The following ESRRG variants were observed in gnomAD, a reference collection of about 807,000 sequenced individuals.
ESRRG encodes estrogen related receptor gamma.
In ESRRG, 13 loss-of-function variants were observed where a neutral mutation model predicts 44.0. The observed-to-expected ratio is 0.30, with a 90% CI of 0.19 to 0.47. The LOEUF (loss-of-function observed/expected upper bound fraction) is 0.47, where lower values mean the gene tolerates loss of function less well. Among genes scored for constraint, ESRRG ranks in the 20% least tolerant of loss-of-function variants. ESRRG has a pLI of 1.00. For missense variants in ESRRG, 395 were observed against 580.6 expected (o/e 0.68, Z 3.29); for synonymous variants, 215 against 214.6 (o/e 1.00, Z -0.02).
chr1:217,040,675 C>T (rs1186750069), intron 1 of ESRRG, among the ~76,000 whole-genome samples: 1 of 152,064 alleles, frequency 6.6e-6, no homozygotes, highest in African/African-American at 2.4e-5. Flanking sequence ...TCCAAAAATC[C>T]TGTGAGCTTA....
chr1:216,744,011 T>A (rs1054058447), intron 2 of ESRRG, among the ~76,000 whole-genome samples: 5 of 152,148 alleles, frequency 3.3e-5, no homozygotes, highest in African/African-American at 1.2e-4. Context: ...CGGTGCCACA[T>A]GGAGTGTGAT....
At chr1:216,996,718 T>C (rs1317996151) in intron 1 of ESRRG, among the ~76,000 whole-genome samples, 1 of 152,090 alleles carries the variant, frequency 6.6e-6, no homozygotes, top group Non-Finnish European at 1.5e-5. Context: ...CAAAACACTA[T>C]TATAGCAATA....
chr1:216,649,890 C>T (rs2068529421), intron 3 of ESRRG, among the ~76,000 whole-genome samples: 1 of 152,086 alleles, frequency 6.6e-6, no homozygotes, highest in South Asian at 2.1e-4. Context: ...CACTCATTGA[C>T]ACTCTGGTTC....
At chr1:216,601,214 G>A (rs1373165425) in intron 3 of ESRRG, among the ~76,000 whole-genome samples, 1 of 152,068 alleles carries the variant, frequency 6.6e-6, no homozygotes, top group Non-Finnish European at 1.5e-5. Context: ...GGACAGCTGG[G>A]TGGAAAGGAC....
At chr1:217,046,877 C>G (rs1435969260) in intron 1 of ESRRG, among the ~76,000 whole-genome samples, 1 of 148,922 alleles carries the variant, frequency 6.7e-6, no homozygotes, top group Non-Finnish European at 1.5e-5. Flanking sequence ...TGGTGAGATC[C>G]TGTCTCATAA....
intron 5 of ESRRG, among the ~76,000 whole-genome samples, chr1:216,527,374 G>C (rs2047986449): frequency 6.6e-6 from 1 of 152,068 alleles, no homozygotes; most frequent in African/African-American, 2.4e-5. Context: ...CCCAGGGCTA[G>C]TCAAGCAATC....
intron 1 of ESRRG, among the ~76,000 whole-genome samples, chr1:217,078,824 G>T (rs2091528072): frequency 6.6e-6 from 1 of 152,136 alleles, no homozygotes; most frequent in South Asian, 2.1e-4. Context: ...GTAAGATCGG[G>T]TAGTCTGGTA....
intron 2 of ESRRG, among the ~76,000 whole-genome samples, chr1:216,793,356 T>G (rs566204399): frequency 6.6e-6 from 1 of 152,310 alleles, no homozygotes; most frequent in Non-Finnish European, 1.5e-5. Context: ...GGTATGTCAC[T>G]TCTGAGATTA....
At chr1:216,943,623 C>T (rs552525875) in intron 1 of ESRRG, among the ~76,000 whole-genome samples, 7 of 152,274 alleles carry the variant, frequency 4.6e-5, no homozygotes, top group African/African-American at 1.4e-4. Flanking sequence ...CTACTTACTA[C>T]ACACACATAC....
At chr1:216,667,861 C>T (rs563259538) in intron 2 of ESRRG, among the ~76,000 whole-genome samples, 2 of 151,944 alleles carry the variant, frequency 1.3e-5, no homozygotes, top group African/African-American at 4.8e-5. Context: ...TTTGTAAGGC[C>T]AAGGCAGGTG....
At chr1:217,107,452 T>C (rs1485302848) in intron 1 of ESRRG, among the ~76,000 whole-genome samples, 2 of 152,228 alleles carry the variant, frequency 1.3e-5, no homozygotes, top group African/African-American at 4.8e-5. Flanking sequence ...AGTTATGTCT[T>C]TTTACTTGGA....
chr1:216,965,664 G>C (rs985082623), intron 1 of ESRRG, among the ~76,000 whole-genome samples: 2 of 152,130 alleles, frequency 1.3e-5, no homozygotes, highest in African/African-American at 4.8e-5. Flanking sequence ...CCTAGGCCTG[G>C]GGGGAGGCCA....
intron 1 of ESRRG, among the ~76,000 whole-genome samples, chr1:217,020,959 T>A (rs945227270): frequency 6.6e-6 from 1 of 151,950 alleles, no homozygotes; most frequent in African/African-American, 2.4e-5. Flanking sequence ...GATCATAGTA[T>A]GAGCTTGATT....
chr1:216,524,827 C>A (rs2047143097), intron 5 of ESRRG, among the ~76,000 whole-genome samples: 1 of 152,116 alleles, frequency 6.6e-6, no homozygotes, highest in Non-Finnish European at 1.5e-5. Flanking sequence ...AAGTGACCAC[C>A]TTCCATAAAA....
At chr1:216,780,076 T>TA (rs1334707184) in intron 2 of ESRRG, among the ~76,000 whole-genome samples, 7 of 150,342 alleles carry the variant, frequency 4.7e-5, no homozygotes, top group Admixed American at 1.3e-4. Flanking sequence ...GGCTGAGATC[T>TA]AAAAAAAAAG....
intron 2 of ESRRG, among the ~76,000 whole-genome samples, chr1:216,770,079 T>C (rs1296648490): frequency 1.3e-5 from 2 of 151,888 alleles, no homozygotes; most frequent in East Asian, 1.9e-4. Flanking sequence ...GGGTGAAAGA[T>C]AGATAGAAAA....
At chr1:217,099,123 T>G (rs993801779) in intron 1 of ESRRG, among the ~76,000 whole-genome samples, 1 of 152,228 alleles carries the variant, frequency 6.6e-6, no homozygotes, top group Non-Finnish European at 1.5e-5. Flanking sequence ...CATGGTGATA[T>G]TTCCAGAACA....
At chr1:216,781,053 C>G (rs2093915687) in intron 2 of ESRRG, among the ~76,000 whole-genome samples, 1 of 151,678 alleles carries the variant, frequency 6.6e-6, no homozygotes, top group East Asian at 1.9e-4. Context: ...ATTTTTAACC[C>G]AAGTTAAAAT....
At chr1:216,691,016 C>T (rs967476670) in intron 1 of ESRRG, among the ~76,000 whole-genome samples, 4 of 152,102 alleles carry the variant, frequency 2.6e-5, no homozygotes, top group Non-Finnish European at 5.9e-5. Context: ...AGCTAACCTG[C>T]CTTCATTTGC....
Sources: gnomAD v4.1 joint callset for allele counts (sites outside exome capture counted in the v4.1 genomes callset) on GRCh38, gnomAD v4.1.1 for gene constraint, MANE v1.5 for transcripts, NCBI Gene and HGNC (gene_info 2026-07-23, HGNC 2026-07-21) for gene names.